CHODL: variants seen among roughly 807,000 people sequenced by gnomAD.
CHODL encodes chondrolectin, also known as transmembrane protein MT75.
In CHODL, 29 loss-of-function variants were observed where a neutral mutation model predicts 34.5. That is an observed-to-expected ratio of 0.84 (90% confidence interval 0.63 to 1.15). The LOEUF (loss-of-function observed/expected upper bound fraction) is 1.15, where lower values mean the gene tolerates loss of function less well. Ranked by LOEUF, CHODL falls within the 50% of genes most tolerant of loss-of-function variation. The probability of loss-of-function intolerance (pLI) is 0.00; values close to 1 mark genes in which losing one functional copy is unlikely to be tolerated. For missense variants in CHODL, 332 were observed against 332.5 expected, an observed-to-expected ratio of 1.00 and a Z score of 0.01; for synonymous variants, 125 against 116.1, an observed-to-expected ratio of 1.08 and a Z score of -0.49.
At chr21:17,963,625 C>G (rs200803) in intron 1 of CHODL, among the ~76,000 whole-genome samples, 39,906 of 152,056 alleles carry the variant, frequency 0.26, 5,690 homozygotes, top group Middle Eastern at 0.33. Context: ...TGGGTCCCTC[C>G]CATGACATGT....
At chr21:18,119,921 AT>A (rs772407181) in intron 2 of CHODL, among the ~76,000 whole-genome samples, 1 of 152,096 alleles carries the variant, frequency 6.6e-6, no homozygotes, top group Admixed American at 6.5e-5. Flanking sequence ...TTGTAGGATT[AT>A]TTTTCCTTGC....
chr21:18,095,453 C>A (rs747532954), intron 2 of CHODL, among the ~76,000 whole-genome samples: 1 of 152,016 alleles, frequency 6.6e-6, no homozygotes. Flanking sequence ...TAAGATTGAA[C>A]CATTAAGAAA....
At chr21:17,930,030 G>A (rs2063259325) in intron 1 of CHODL, among the ~76,000 whole-genome samples, 1 of 152,122 alleles carries the variant, frequency 6.6e-6, no homozygotes, top group Non-Finnish European at 1.5e-5. Context: ...ACCCTTCTGA[G>A]AGCCCAGCCC....
chr21:18,086,067 T>C (rs13049209), intron 2 of CHODL, among the ~76,000 whole-genome samples: 7 of 104,630 alleles, frequency 6.7e-5, no homozygotes, highest in African/African-American at 2.1e-4. Context: ...TTTTTTTTTT[T>C]GCCTGCTTGG....
At chr21:18,097,847 A>G (rs1261156162) in intron 2 of CHODL, among the ~76,000 whole-genome samples, 3 of 152,162 alleles carry the variant, frequency 2.0e-5, no homozygotes, top group East Asian at 1.9e-4. Context: ...GTAAAACAGC[A>G]TGGTACTGAC....
intron 2 of CHODL, among the ~76,000 whole-genome samples, chr21:18,045,242 G>A (rs1399199404): frequency 2.0e-5 from 3 of 151,950 alleles, no homozygotes; most frequent in African/African-American, 7.2e-5. Context: ...AGTGTGGTGA[G>A]TTGAATGATG....
chr21:18,167,228 T>G (rs77891550), intron 2 of CHODL, among the ~76,000 whole-genome samples: 29,247 of 149,002 alleles, frequency 0.2, 4,080 homozygotes, highest in East Asian at 0.48. Context: ...TGTGTGTGTG[T>G]GTGTGTGTGT....
chr21:17,989,438 C>T (rs1378833048), intron 1 of CHODL, among the ~76,000 whole-genome samples: 1 of 152,152 alleles, frequency 6.6e-6, no homozygotes, highest in Non-Finnish European at 1.5e-5. Context: ...CATATATCCA[C>T]ATAGACTATA....
At chr21:18,217,113 G>A (rs1363827622) in intron 2 of CHODL, among the ~76,000 whole-genome samples, 1 of 152,112 alleles carries the variant, frequency 6.6e-6, no homozygotes, top group Admixed American at 6.5e-5. Flanking sequence ...CATAAATGTG[G>A]AAGTGCATAT....
At chr21:18,008,411 T>C (rs775675563) in intron 1 of CHODL, among the ~76,000 whole-genome samples, 2 of 152,168 alleles carry the variant, frequency 1.3e-5, no homozygotes, top group Non-Finnish European at 2.9e-5. Flanking sequence ...GTGGGTACTA[T>C]ACAGTAGATC....
intron 1 of CHODL, among the ~76,000 whole-genome samples, chr21:18,001,595 C>T (rs1379855006): frequency 1.3e-5 from 2 of 152,070 alleles, no homozygotes; most frequent in Admixed American, 6.6e-5. Context: ...ATTTAGTCCC[C>T]GTTTACACTA....
intron 2 of CHODL, among the ~76,000 whole-genome samples, chr21:18,202,103 C>G (rs2073661600): frequency 2.6e-5 from 4 of 152,094 alleles, no homozygotes; most frequent in Admixed American, 2.6e-4. Flanking sequence ...CGGCGCCCGG[C>G]CTACAGACAT....
chr21:18,118,742 G>A (rs1368881835), intron 2 of CHODL, among the ~76,000 whole-genome samples: 1 of 152,120 alleles, frequency 6.6e-6, no homozygotes, highest in Non-Finnish European at 1.5e-5. Flanking sequence ...TGTCTCTAAT[G>A]ACACTTCACT....
At chr21:17,932,821 A>G (rs1362274458) in intron 1 of CHODL, among the ~76,000 whole-genome samples, 1 of 152,142 alleles carries the variant, frequency 6.6e-6, no homozygotes, top group East Asian at 1.9e-4. Context: ...GGAGAAAGAA[A>G]TAAGGGGGCC....
chr21:18,252,020 T>A (rs1174474829), intron 1 of CHODL, among the ~76,000 whole-genome samples: 1 of 152,024 alleles, frequency 6.6e-6, no homozygotes, highest in Non-Finnish European at 1.5e-5. Flanking sequence ...AGTGCACATC[T>A]AGCAAATAAA....
intron 1 of CHODL, among the ~76,000 whole-genome samples, chr21:17,941,317 G>T (rs1461096727): frequency 1.8e-4 from 25 of 136,320 alleles, no homozygotes; most frequent in African/African-American, 6.0e-4. Context: ...TTTCATCCCT[G>T]GGCCACTTTC....
Position 18,191,781 on chromosome 21 carries a change from T to C in CHODL, c.-44-64728T>C, listed in dbSNP as rs184133879. 4.6e-5 allele frequency among the ~76,000 whole-genome samples: 7 copies of C among 152,262 alleles called. No individual in the cohort carries two copies. In the East Asian group the frequency reaches 1.4e-3, roughly 29 times the overall value. On this transcript the variant is annotated intron_variant, in intron 2 of 6. Transcript: ENST00000400127. ...ACACTCACAAAATCAGGGAGTAGCA[T>C]TGTGATTTCCAGGAGGTTGGGGGCA...
chr21:17,928,837 T>C (rs1239394701), intron 1 of CHODL, among the ~76,000 whole-genome samples: 1 of 152,232 alleles, frequency 6.6e-6, no homozygotes, highest in Non-Finnish European at 1.5e-5. Context: ...CTGAATTATA[T>C]TTTCAAACGT....
rs2074467213 is a variant in CHODL, at chr21:18,266,731, A to C, written c.*693A>C. Reference sequence around the variant, plus strand: ...TTTACTTAGAGGCAAGGATTGTCTAATTTCAATTGTGCAAGACATGTGCCT... The same window carrying C: ...TTTACTTAGAGGCAAGGATTGTCTACTTTCAATTGTGCAAGACATGTGCCT... On this transcript the variant is annotated 3_prime_UTR_variant, in exon 6 of 6. Transcript: ENST00000299295. 6.5e-6 allele frequency: 1 copy of C among 152,840 alleles called. No individual in the cohort carries two copies. The highest frequency in any genetic ancestry group is 2.4e-5 in the African/African-American group (1 of 41,462). The allele number at this position is 152,840 out of a possible 1,614,324, so 9.5% of individuals were successfully genotyped here. A position where few individuals can be genotyped will look rare whatever the true frequency, so the allele number is the denominator to read the frequency against.
Sources: allele counts gnomAD v4.1 joint callset (sites outside exome capture counted in the v4.1 genomes callset), GRCh38; gene constraint gnomAD v4.1.1; transcripts MANE v1.5; gene names NCBI Gene and HGNC (gene_info 2026-07-23, HGNC 2026-07-21).